The following CUBN variants were observed in gnomAD, a reference collection of about 807,000 sequenced individuals.
CUBN encodes the protein cubilin.
CUBN carries 282 observed loss-of-function variants against 405.3 expected under a neutral mutation model. That is an observed-to-expected ratio of 0.70 (90% confidence interval 0.63 to 0.77). The LOEUF (loss-of-function observed/expected upper bound fraction) is 0.77. Ranked by LOEUF, CUBN falls within the 30% of genes least tolerant of loss-of-function variation. CUBN has a pLI of 0.00. For synonymous variants in CUBN, 1,684 were observed against 1,617.0 expected (o/e 1.04, Z -0.99); for missense variants, 4,514 against 4,475.2 (o/e 1.01, Z -0.25).
At chr10:16,842,775 A>C (rs552424315) in intron 60 of CUBN, among the ~76,000 whole-genome samples, 8 of 152,186 alleles carry the variant, frequency 5.3e-5, no homozygotes, top group Non-Finnish European at 1.2e-4. Context: ...GCTCCCTCCC[A>C]CAGTCTGCAA....
At chr10:16,888,236 C>T (rs1840878736) in intron 56 of CUBN, among the ~76,000 whole-genome samples, 181 bp downstream of exon 56, 1 of 152,158 alleles carries the variant, frequency 6.6e-6, no homozygotes, top group South Asian at 2.1e-4. Context: ...TTAAAAATTG[C>T]TAAGAGAGGT....
Position 16,925,277 on chromosome 10 carries a change from G to A in CUBN, c.6610C>T (p.Gln2204Ter). ...QFISDHSNEG[Q>*]GFKIKYEAKS... ...GCCTCATATTTGATTTTAAATCCTT[G>A]CCCTTCATTACTGTGATCAGAAATA... Residue 2204 changes from glutamine (Q) to a stop codon, truncating the protein, a stop_gained, in exon 43 of 67, where the codon CAA (glutamine) becomes TAA (stop). Transcript: ENST00000377833. LOFTEE classifies it high-confidence loss of function. 6.2e-7 allele frequency: 1 copy of A among 1,613,486 alleles called. No individual in the cohort carries two copies.
At chr10:16,966,798 G>A (rs1173171910) in intron 31 of CUBN, among the ~76,000 whole-genome samples, 1 of 152,166 alleles carries the variant, frequency 6.6e-6, no homozygotes, top group African/African-American at 2.4e-5. Flanking sequence ...CTCCTGCCCT[G>A]GATTGCCTTT....
chr10:16,911,950 AGAAAATGAATCAAAATGT>A (rs1750449656), intron 48 of CUBN, among the ~76,000 whole-genome samples: 1 of 152,216 alleles, frequency 6.6e-6, no homozygotes, highest in Non-Finnish European at 1.5e-5. Context: ...AGAAGAGATG[AGAAAATGAATCAAAATGT>A]GGTATAGTGG....
intron 31 of CUBN, among the ~76,000 whole-genome samples, chr10:16,958,580 C>G (rs755084574): frequency 1.3e-5 from 2 of 152,040 alleles, no homozygotes; most frequent in Non-Finnish European, 2.9e-5. Flanking sequence ...CCAATGACAC[C>G]CCAAATGTGA....
rs1836537838 is a variant in CUBN at position 17,103,163 on chromosome 10, C to T, written c.1492G>A (p.Val498Ile). 1 of 1,613,840 alleles carries T rather than the reference C, an allele frequency of 6.2e-7. No homozygotes were observed. Among genetic ancestry groups the T allele is most frequent in the East Asian group, 2.2e-5 (1 of 44,868 alleles). The change falls in exon 13 of 67, where the codon GTT becomes ATT. Residue 498 changes from valine to isoleucine, a missense_variant. Transcript: ENST00000377833. ...RSPDVGYVHD[V>I]NCFWVIKTEM... Reference sequence around the variant, plus strand: ...GTTTTGATAACCCAGAAGCAGTTAACATCATGAACATAACCAACATCCGGG... The same window carrying T: ...GTTTTGATAACCCAGAAGCAGTTAATATCATGAACATAACCAACATCCGGG...
At chr10:16,920,806 T>C (rs1227429225) in intron 43 of CUBN, among the ~76,000 whole-genome samples, 1 of 152,220 alleles carries the variant, frequency 6.6e-6, no homozygotes, top group African/African-American at 2.4e-5. Context: ...GTACTTACAA[T>C]GCCAATGAAA....
intron 56 of CUBN, among the ~76,000 whole-genome samples, chr10:16,882,771 T>C (rs1037887506): frequency 6.6e-6 from 1 of 152,146 alleles, no homozygotes; most frequent in Non-Finnish European, 1.5e-5. Context: ...CCCAACACTT[T>C]GGGAGGCCGA....
At chr10:17,034,073 C>T (rs1834837814) in intron 27 of CUBN, among the ~76,000 whole-genome samples, 1 of 152,054 alleles carries the variant, frequency 6.6e-6, no homozygotes, top group African/African-American at 2.4e-5. Flanking sequence ...ATGACATCAG[C>T]AAGGATTTGG....
intron 43 of CUBN, among the ~76,000 whole-genome samples, chr10:16,921,309 T>A (rs1842026668): frequency 6.6e-6 from 1 of 152,160 alleles, no homozygotes; most frequent in Admixed American, 6.6e-5. Context: ...CCTCAATAAA[T>A]TAATCTGCAT....
At chr10:17,121,645 A>G (rs1454749022) in intron 6 of CUBN, among the ~76,000 whole-genome samples, 10 of 152,084 alleles carry the variant, frequency 6.6e-5, no homozygotes, top group Admixed American at 3.9e-4. Flanking sequence ...ATGTATACAT[A>G]AGTAACAAAC....
At chr10:16,827,163 A>C (rs1459548622) in intron 66 of CUBN, among the ~76,000 whole-genome samples, 1 of 152,190 alleles carries the variant, frequency 6.6e-6, no homozygotes, top group Admixed American at 6.5e-5. Context: ...TAGTTGCAAA[A>C]AGTTCAAGAG....
chr10:17,014,947 C>T (rs34034628), intron 28 of CUBN, among the ~76,000 whole-genome samples: 60,304 of 151,890 alleles, frequency 0.4, 12,280 homozygotes, highest in East Asian at 0.59. Context: ...GAACAGCAAA[C>T]CAATCTGCCT....
chr10:17,104,920 G>A (rs142263432), intron 11 of CUBN, among the ~76,000 whole-genome samples: 20,287 of 150,088 alleles, frequency 0.14, 1,681 homozygotes, highest in Middle Eastern at 0.3. Context: ...GTGATTCTCC[G>A]GTCTCAGCCT....
chr10:16,886,314 A>G (rs1405151371), intron 56 of CUBN, among the ~76,000 whole-genome samples: 1 of 152,178 alleles, frequency 6.6e-6, no homozygotes, highest in Non-Finnish European at 1.5e-5. Flanking sequence ...TCATTTTTAT[A>G]AACCATACAT....
chr10:17,026,367 T>C (rs1564485876), intron 27 of CUBN, among the ~76,000 whole-genome samples: 1 of 152,178 alleles, frequency 6.6e-6, no homozygotes, highest in South Asian at 2.1e-4. Context: ...TTGTGGTGGC[T>C]CACGCCTGTA....
At chr10:17,090,514 G>C (rs1029621933) in intron 14 of CUBN, among the ~76,000 whole-genome samples, 2 of 151,830 alleles carry the variant, frequency 1.3e-5, no homozygotes, top group African/African-American at 4.8e-5. Context: ...AAAAATGAAA[G>C]AAATATTTAA....
chr10:17,083,357 T>C (rs1483393020), intron 17 of CUBN, among the ~76,000 whole-genome samples: 1 of 151,802 alleles, frequency 6.6e-6, no homozygotes, highest in Non-Finnish European at 1.5e-5. Context: ...AATGCAAAAT[T>C]AGCCGGGCGT....
Position 16,920,101 on chromosome 10 carries a change from G to T in CUBN, c.6683C>A (p.Ser2228Tyr), listed in dbSNP as rs772914065. 1.9e-5 allele frequency: 31 copies of T among 1,613,894 alleles called. No homozygotes were observed. Among genetic ancestry groups the T allele is most frequent in the Non-Finnish European group, 2.5e-5 (29 of 1,179,982 alleles). Residue 2228 changes from serine (S) to tyrosine (Y), a missense_variant, in exon 44 of 67, where the codon TCT becomes TAT. Ser to Tyr is a moderately radical substitution (Grantham distance 144, BLOSUM62 -2). Transcript: ENST00000377833. ...GTTGGGGGAGGTCACATACCCAGCA[G>T]AATCAGCATCATGGATGTAGACGTT... Reference protein sequence around the residue: ...GGNVYIHDADSAGYVTSPNHP... With the variant: ...GGNVYIHDADYAGYVTSPNHP...
Sources: allele counts gnomAD v4.1 joint callset (sites outside exome capture counted in the v4.1 genomes callset), GRCh38; gene constraint gnomAD v4.1.1; transcripts MANE v1.5; gene names NCBI Gene and HGNC (gene_info 2026-07-23, HGNC 2026-07-21).